The following UVSSA variants were observed in gnomAD, a reference collection of about 807,000 sequenced individuals.
UVSSA encodes the protein UV stimulated scaffold protein A, also known as UV-stimulated scaffold protein A.
Under a neutral mutation model 73.9 loss-of-function variants are expected in UVSSA, and 72 were observed. The observed-to-expected ratio is 0.97, with a 90% CI of 0.81 to 1.19. UVSSA has a LOEUF of 1.19. UVSSA is among the 50% of genes most tolerant of loss of function. UVSSA has a pLI of 0.00. For synonymous variants in UVSSA, 454 were observed against 391.3 expected, an observed-to-expected ratio of 1.16 and a Z score of -1.89; for missense variants, 1,150 against 965.0, an observed-to-expected ratio of 1.19 and a Z score of -2.54.
chr4:1,390,811 T>G (rs1720393352), downstream of UVSSA: 1 of 152,942 alleles, frequency 6.5e-6, no homozygotes, highest in Admixed American at 6.5e-5. Context: ...GAGGTTGGTT[T>G]GTAGTGTTGT....
At chr4:1,349,450 C>G in intron 2 of UVSSA, 74 bp from the exon 3 acceptor site, 1 of 1,436,602 alleles carries the variant, frequency 7.0e-7, no homozygotes, top group South Asian at 1.2e-5. Flanking sequence ...CGTGCGGCAT[C>G]CATGCACGGA....
intron 10 of UVSSA, among the ~76,000 whole-genome samples, chr4:1,379,488 C>A (rs1290677385): frequency 6.9e-6 from 1 of 144,194 alleles, no homozygotes; most frequent in Non-Finnish European, 1.5e-5. Flanking sequence ...ACCTGGGACG[C>A]CTGGGAGACC....
At chr4:1,353,730 A>G (rs1715181499) in intron 5 of UVSSA, among the ~76,000 whole-genome samples, 1 of 152,044 alleles carries the variant, frequency 6.6e-6, no homozygotes, top group Non-Finnish European at 1.5e-5. Context: ...TCCTCAAAGG[A>G]TGAGGGAGCA....
At chr4:1,362,107 A>G (rs555530389) in intron 7 of UVSSA, among the ~76,000 whole-genome samples, 1 of 152,240 alleles carries the variant, frequency 6.6e-6, no homozygotes, top group African/African-American at 2.4e-5. Flanking sequence ...ATTGCATTGT[A>G]TATTTTAGCC....
upstream of UVSSA, among the ~76,000 whole-genome samples, chr4:1,344,990 G>T (rs373398682): frequency 1.3e-5 from 2 of 152,132 alleles, no homozygotes; most frequent in Non-Finnish European, 2.9e-5. Flanking sequence ...TGGGATGCAG[G>T]GGGCAGCAAA....
At chr4:1,370,726 G>A (rs575039264) in intron 8 of UVSSA, among the ~76,000 whole-genome samples, 11 of 152,358 alleles carry the variant, frequency 7.2e-5, no homozygotes, top group South Asian at 2.1e-4. Flanking sequence ...ACAGGCTGGC[G>A]AGCCCTGCAG....
Position 1,385,871 on chromosome 4 carries a change from AG to A in UVSSA, c.2041del (p.Ala681LeufsTer5), listed in dbSNP as rs1179234637. Reference sequence around the variant, plus strand: ...ATCTTGCCTTGTTTCCCCACAGGGCAGCTGTGCGGAGGGTAGTGGCAGCCAT... The same window carrying A: ...ATCTTGCCTTGTTTCCCCACAGGGCACTGTGCGGAGGGTAGTGGCAGCCAT... The part of the protein sequence containing the change: ...RIGRKVFAKA[A>X]VRRVVAAMNR... On this transcript the variant is annotated frameshift_variant, in exon 14 of 14. Transcript: ENST00000389851. LOFTEE classifies it high-confidence loss of function. 4 of 1,614,026 alleles carry A rather than the reference AG, an allele frequency of 2.5e-6. No individual in the cohort carries two copies. In the South Asian group the frequency reaches 4.4e-5, roughly 18 times the overall value.
At chr4:1,365,374 C>G (rs79854477) in intron 7 of UVSSA, among the ~76,000 whole-genome samples, 2,496 of 152,352 alleles carry the variant, frequency 0.016, 76 homozygotes, top group African/African-American at 0.057. Context: ...GAGCCACCGT[C>G]TTTCTCTGGC....
At chr4:1,346,257 G>T (rs1349837151), upstream of UVSSA, among the ~76,000 whole-genome samples, 1 of 152,214 alleles carries the variant, frequency 6.6e-6, no homozygotes, top group Non-Finnish European at 1.5e-5. Context: ...GCAAGGGCAC[G>T]CCCATCCCCC....
chr4:1,381,305 G>A (rs1719470378), intron 12 of UVSSA, among the ~76,000 whole-genome samples: 1 of 152,250 alleles, frequency 6.6e-6, no homozygotes, highest in Admixed American at 6.5e-5. Context: ...GTGTTTTCAG[G>A]CAGGTGAAGG....
intron 4 of UVSSA, 101 bp downstream of exon 4, chr4:1,351,936 A>T: frequency 1.3e-6 from 2 of 1,533,080 alleles, no homozygotes; most frequent in South Asian, 2.4e-5. Flanking sequence ...CAAGGAACCC[A>T]GGTTTTGAGA....
At chr4:1,352,567 C>G (rs533883670) in intron 4 of UVSSA, among the ~76,000 whole-genome samples, 6 of 152,350 alleles carry the variant, frequency 3.9e-5, no homozygotes, top group African/African-American at 1.4e-4. Flanking sequence ...GGCTGACCTC[C>G]CCTGCGCACT....
intron 8 of UVSSA, among the ~76,000 whole-genome samples, chr4:1,373,537 C>T (rs1297823753): frequency 6.6e-6 from 1 of 152,214 alleles, no homozygotes; most frequent in Non-Finnish European, 1.5e-5. Context: ...AGTTGATCCT[C>T]AGTGCTCTGT....
Position 1,351,823 on chromosome 4 carries a change from A to T in UVSSA, c.538A>T (p.Arg180Trp), listed in dbSNP as rs746356055. The T allele has an allele frequency of 1.2e-6, 2 of 1,613,350 alleles. No homozygotes were observed. The highest frequency in any genetic ancestry group is 1.7e-6 in the Non-Finnish European group (2 of 1,179,620). ...TCAAGAAAGAGCCAGCCAGGCGGAG[A>T]GGGAGATGCAAGGCAAGTGTCCAGG... The part of the protein sequence containing the change: ...IYQERASQAE[R>W]EMQEMSGEIE... Residue 180 changes from arginine to tryptophan, a missense_variant, in exon 4 of 14, where the codon AGG (arginine) becomes TGG (tryptophan). Transcript: ENST00000389851.
At position 1,382,005 on chromosome 4, in the gene UVSSA, G is replaced by C. The variant is rs2109305818; in HGVS notation, c.1861+1017G>C. Among the ~76,000 whole-genome samples, 2 of 152,320 alleles carry C rather than the reference G, an allele frequency of 1.3e-5. 1 individual carries two copies. Among genetic ancestry groups the C allele is most frequent in the South Asian group, 4.1e-4 (2 of 4,828 alleles). Reference sequence around the variant, plus strand: ...GGCCACACCTGCAGGCCTGGCCCTGGCCCGAAGTGGGGGTTCACACCTTGT... The same window carrying C: ...GGCCACACCTGCAGGCCTGGCCCTGCCCCGAAGTGGGGGTTCACACCTTGT... On this transcript the variant is annotated intron_variant, in intron 12 of 13. Transcript: ENST00000389851.
chr4:1,347,928 C>T, intron 1 of UVSSA, 162 bp from the exon 2 acceptor site: 1 of 643,810 alleles, frequency 1.6e-6, no homozygotes, highest in South Asian at 1.8e-5. Flanking sequence ...AAAGGCCTTG[C>T]TGGACACACA....
chr4:1,391,775 A>G (rs1281398332), downstream of UVSSA: 1 of 151,544 alleles, frequency 6.6e-6, no homozygotes, highest in East Asian at 1.9e-4. Context: ...TGTAAACAGC[A>G]TATAGTAGGA....
At chr4:1,350,632 G>T (rs1137634) in intron 3 of UVSSA, among the ~76,000 whole-genome samples, 1 of 152,314 alleles carries the variant, frequency 6.6e-6, no homozygotes, top group East Asian at 1.9e-4. Context: ...GTGTTTTGTT[G>T]TAATGCACTG....
In UVSSA at chr4:1,349,568, C is replaced by T. The variant is rs1183447884; in HGVS notation, c.143C>T (p.Ala48Val). The T allele has an allele frequency of 5.6e-6, 9 of 1,613,888 alleles. No individual in the cohort carries two copies. The highest frequency in any genetic ancestry group is 7.6e-6 in the Non-Finnish European group (9 of 1,180,014). ...AGCCGCGCCTACCGCCTGCTGATAG[C>T]ACAGCTGACCCAGGAGCACGCCGAG... is the stretch of plus-strand genomic sequence containing the variant. ...QLSRAYRLLIAQLTQEHAEIR... is the reference protein window; with the variant it reads ...QLSRAYRLLIVQLTQEHAEIR... The change falls in exon 3 of 14, where the codon GCA becomes GTA. Residue 48 changes from alanine (A) to valine (V), a missense_variant. Transcript: ENST00000389851.
Sources: allele counts gnomAD v4.1 joint callset (sites outside exome capture counted in the v4.1 genomes callset), GRCh38; gene constraint gnomAD v4.1.1; transcripts MANE v1.5; gene names NCBI Gene and HGNC (gene_info 2026-07-23, HGNC 2026-07-21).